The following USP47 variants were observed in gnomAD, a reference collection of about 807,000 sequenced individuals.
The protein encoded by USP47 is ubiquitin specific peptidase 47.
A neutral mutation model predicts 165.1 loss-of-function variants in USP47; 35 were observed. The ratio of observed to expected loss-of-function variants is 0.21; its 90% CI spans 0.16 to 0.28. USP47 has a LOEUF of 0.28. Among genes scored for constraint, USP47 ranks in the 10% least tolerant of loss-of-function variants. USP47 has a pLI of 1.00. For synonymous variants in USP47, 531 were observed against 544.5 expected, an observed-to-expected ratio of 0.98 and a Z score of 0.35; for missense variants, 1,277 against 1,607.4, an observed-to-expected ratio of 0.79 and a Z score of 3.52.
chr11:11,918,967 A>G (rs1222782673), intron 8 of USP47, among the ~76,000 whole-genome samples: 1 of 151,918 alleles, frequency 6.6e-6, no homozygotes, highest in South Asian at 2.1e-4. Flanking sequence ...CCTGAGAGGG[A>G]AAAAAAATTT....
At chr11:11,925,784 A>G (rs900030988) in intron 11 of USP47, among the ~76,000 whole-genome samples, 1 of 152,066 alleles carries the variant, frequency 6.6e-6, no homozygotes, top group African/African-American at 2.4e-5. Context: ...TACGTTGAAC[A>G]GAAGTGGTAA....
chr11:11,857,034 T>G (rs552627929), intron 1 of USP47, among the ~76,000 whole-genome samples: 128 of 152,246 alleles, frequency 8.4e-4, no homozygotes, highest in African/African-American at 3.0e-3. Flanking sequence ...AATGGAATCT[T>G]CCTAAGGTTA....
chr11:11,877,271 G>A (rs1389209543), intron 1 of USP47, among the ~76,000 whole-genome samples: 1 of 152,142 alleles, frequency 6.6e-6, no homozygotes, highest in East Asian at 1.9e-4. Flanking sequence ...TTTTACTTTA[G>A]TGTGATTACT....
chr11:11,875,035 G>A (rs1377006303), intron 1 of USP47, among the ~76,000 whole-genome samples: 1 of 50,946 alleles, frequency 2.0e-5, no homozygotes, highest in African/African-American at 7.8e-5. Context: ...TTGACTTATT[G>A]TGTGTGTGTG....
intron 1 of USP47, among the ~76,000 whole-genome samples, chr11:11,859,965 G>T (rs112403647): frequency 0.026 from 4,015 of 151,782 alleles, 165 homozygotes; most frequent in African/African-American, 0.092. Context: ...TTAGCTGGGA[G>T]TGGTAGCACA....
At chr11:11,937,589 G>C (rs72857632) in intron 17 of USP47, among the ~76,000 whole-genome samples, 2 of 103,804 alleles carry the variant, frequency 1.9e-5, no homozygotes, top group Admixed American at 1.7e-4. Context: ...TTTTTTTTTT[G>C]CTAGACAAGA....
intron 1 of USP47, among the ~76,000 whole-genome samples, chr11:11,876,132 T>C (rs1850402606): frequency 6.6e-6 from 1 of 152,240 alleles, no homozygotes; most frequent in Non-Finnish European, 1.5e-5. Flanking sequence ...CTAGATTTTC[T>C]TTGTAGAAAA....
intron 25 of USP47, 73 bp from the exon 26 acceptor site, chr11:11,954,824 G>A: frequency 6.6e-7 from 1 of 1,526,228 alleles, no homozygotes; most frequent in South Asian, 1.2e-5. Context: ...CTGTTTGTGG[G>A]GTAAAAGGAA....
Position 11,950,489 on chromosome 11 carries a change from T to G in USP47, c.3583+7T>G. ...TTCCTTGAAGTTCTTGATGGTATTT[T>G]CAATATTTTTGGGGGGAAGTATCAG... is the stretch of plus-strand genomic sequence containing the variant. On this transcript the variant is annotated splice_region_variant and intron_variant, in intron 24 of 27. Transcript: ENST00000527733. 6.3e-7 allele frequency: 1 copy of G among 1,575,496 alleles called. No individual in the cohort carries two copies. The highest frequency in any genetic ancestry group is 8.7e-7 in the Non-Finnish European group (1 of 1,154,074).
rs1338829238 is a variant in USP47 at position 11,956,956 on chromosome 11, ACTAT to A, written c.*784_*787del. The A allele has an allele frequency of 6.6e-6, 1 of 152,214 alleles. No homozygotes were observed. Among genetic ancestry groups the A allele is most frequent in the Non-Finnish European group, 1.5e-5 (1 of 68,034 alleles). The allele number at this position is 152,214 out of a possible 1,614,324, so 9.4% of individuals were successfully genotyped here. A position where few individuals can be genotyped will look rare whatever the true frequency, so the allele number is the denominator to read the frequency against. ...GTTGAGTTATCATAATTGCAGTTCAACTATCTGCCATGATTATTCTTTTCACGTA... is the reference window on the plus strand; with the variant it reads ...GTTGAGTTATCATAATTGCAGTTCAACTGCCATGATTATTCTTTTCACGTA... On this transcript the variant is annotated 3_prime_UTR_variant, in exon 28 of 28. Coordinates refer to ENST00000527733, the MANE Select transcript of USP47 (RefSeq NM_001282659.2).
intron 11 of USP47, 43 bp downstream of exon 11, chr11:11,922,934 A>G (rs1371598136): frequency 6.4e-7 from 1 of 1,561,380 alleles, no homozygotes; most frequent in East Asian, 2.3e-5. Context: ...AGTGAGAATA[A>G]TCTCTGACTT....
Position 11,942,505 on chromosome 11 carries a change from T to C in USP47, c.2484T>C (p.Asp828=), listed in dbSNP as rs1302507817. Residue 828 remains aspartate (D), a synonymous_variant, in exon 20 of 28, where the codon GAT becomes GAC. Coordinates refer to ENST00000527733, the MANE Select transcript of USP47 (RefSeq NM_001282659.2). ...CAGCATACCAGAAAGCTGGAGGCGA[T>C]TCTGGTAATGTGGATGATGACTGTG... ...KRTAYQKAGG[D]SGNVDDDCER... 5 of 1,613,418 alleles carry C rather than the reference T, an allele frequency of 3.1e-6. No homozygotes were observed. The African/African-American group carries it at 6.7e-5, about 22-fold the overall frequency.
intron 27 of USP47, 112 bp from the exon 28 acceptor site, chr11:11,955,889 C>T: frequency 2.4e-6 from 2 of 840,022 alleles, no homozygotes; most frequent in South Asian, 4.2e-5. Context: ...AATATTACTT[C>T]ACCAGTAACA....
intron 22 of USP47, 22 bp downstream of exon 22, chr11:11,948,580 A>G: frequency 6.5e-7 from 1 of 1,532,538 alleles, no homozygotes; most frequent in African/African-American, 1.4e-5. Context: ...GTTTAAGAAT[A>G]ATATAAGGTT....
intron 1 of USP47, among the ~76,000 whole-genome samples, chr11:11,855,477 T>A (rs1292396875): frequency 2.0e-5 from 3 of 152,230 alleles, no homozygotes; most frequent in African/African-American, 7.2e-5. Context: ...ATTAGTGTAA[T>A]ATGCTTATAT....
chr11:11,887,220 A>G (rs376887018), intron 3 of USP47, among the ~76,000 whole-genome samples: 1 of 152,304 alleles, frequency 6.6e-6, no homozygotes, highest in East Asian at 1.9e-4. Flanking sequence ...TCAAATTTGC[A>G]CATAATATTA....
In USP47 at chr11:11,897,593, A is replaced by T. The variant is rs367648083; in HGVS notation, c.497-4A>T. 8.8e-6 allele frequency: 14 copies of T among 1,588,722 alleles called. No individual in the cohort carries two copies. The highest frequency in any genetic ancestry group is 3.4e-4 in the Middle Eastern group (2 of 5,946). On this transcript the variant is annotated splice_region_variant and splice_polypyrimidine_tract_variant and intron_variant, in intron 4 of 27. Transcript: ENST00000527733. Reference sequence around the variant, plus strand: ...TAATGTACATTTGTATTTTCTCTTTAAAGGATATGTGGGACTAGTAAACCA... The same window carrying T: ...TAATGTACATTTGTATTTTCTCTTTTAAGGATATGTGGGACTAGTAAACCA...
In USP47 at chr11:11,943,069, T is replaced by A; in HGVS notation, c.3048T>A (p.Ala1016=). ...AAATGCAGTACATGTATTTCAAAGCTGAACCTTATGCTGCAGATGAAGGTT... is the reference window on the plus strand; with the variant it reads ...AAATGCAGTACATGTATTTCAAAGCAGAACCTTATGCTGCAGATGAAGGTT... ...RGEMQYMYFK[A]EPYAADEGSG... is the part of the protein sequence containing the mutation. The change falls in exon 20 of 28, where the codon GCT becomes GCA. Residue 1016 remains alanine (A), a synonymous_variant. Transcript: ENST00000527733. 1 of 1,613,228 alleles carries A rather than the reference T, an allele frequency of 6.2e-7. No individual in the cohort carries two copies. Among genetic ancestry groups the A allele is most frequent in the Non-Finnish European group, 8.5e-7 (1 of 1,179,468 alleles).
intron 4 of USP47, among the ~76,000 whole-genome samples, chr11:11,892,329 A>G (rs1432263746): frequency 6.7e-6 from 1 of 149,484 alleles, no homozygotes; most frequent in African/African-American, 2.5e-5. Flanking sequence ...TAACGTAAAC[A>G]TTATTGAATA....
Sources: gnomAD v4.1 joint callset for allele counts (sites outside exome capture counted in the v4.1 genomes callset) on GRCh38, gnomAD v4.1.1 for gene constraint, MANE v1.5 for transcripts, NCBI Gene and HGNC (gene_info 2026-07-23, HGNC 2026-07-21) for gene names.